Variants in AKNA observed in about 807,000 individuals in gnomAD.
AKNA encodes the protein microtubule organization protein AKNA.
In AKNA, 67 loss-of-function variants were observed where a neutral mutation model predicts 138.8. The observed-to-expected ratio is 0.48, with a 90% CI of 0.40 to 0.59. AKNA has a LOEUF of 0.59. Ranked by LOEUF, AKNA falls within the 20% of genes least tolerant of loss-of-function variation. The pLI, the probability that AKNA is intolerant of heterozygous loss-of-function variation, is 0.00. For synonymous variants in AKNA, 737 were observed against 754.4 expected (o/e 0.98, Z 0.38); for missense variants, 1,813 against 1,880.4 (o/e 0.96, Z 0.66).
chr9:114,393,231 T>G (rs1482787332), intron 1 of AKNA, among the ~76,000 whole-genome samples: 1 of 150,938 alleles, frequency 6.6e-6, no homozygotes, highest in Non-Finnish European at 1.5e-5. Context: ...TTTTTTTTTT[T>G]TGGAGATGGA....
chr9:114,347,231 T>C (rs1830747173), intron 16 of AKNA, among the ~76,000 whole-genome samples: 2 of 152,120 alleles, frequency 1.3e-5, no homozygotes, highest in Admixed American at 6.6e-5. Context: ...ATTATTATTA[T>C]TATTTTGAGA....
At chr9:114,352,312 T>G (rs1039415417) in intron 14 of AKNA, among the ~76,000 whole-genome samples, 18 of 152,180 alleles carry the variant, frequency 1.2e-4, no homozygotes, top group African/African-American at 4.3e-4. Flanking sequence ...AAAGTTTAAT[T>G]AAAGGCCGGG....
At chr9:114,392,092 T>A (rs1435626761), upstream of AKNA, among the ~76,000 whole-genome samples, 9 of 92,238 alleles carry the variant, frequency 9.8e-5, no homozygotes, top group Admixed American at 1.5e-4. Context: ...GGCAACAGAG[T>A]AAGACGCTTG....
chr9:114,371,810 C>T (rs1014121379), intron 4 of AKNA, among the ~76,000 whole-genome samples: 1 of 152,136 alleles, frequency 6.6e-6, no homozygotes, highest in African/African-American at 2.4e-5. Flanking sequence ...AGCCCTCCCC[C>T]GTGGGCTCTG....
intron 1 of AKNA, chr9:114,383,196 C>G (rs1051089341): frequency 2.2e-6 from 1 of 456,044 alleles, no homozygotes; most frequent in Non-Finnish European, 4.4e-6. Context: ...GCTGGCCACA[C>G]GGGGGACCCG....
chr9:114,368,498 G>T lies in AKNA; in HGVS notation c.1514C>A (p.Pro505His). ...TKVLSFTIPQ[P>H]RSAEWWPGPA... ...GCCCGGCCACCACTCTGCAGAGCGG[G>T]GCTGTGGGATGGTGAAGGACAAGAC... Residue 505 changes from proline to histidine, a missense_variant, in exon 5 of 22, where the codon CCC (proline) becomes CAC (histidine). By Grantham distance (77) the Pro-to-His change is moderately conservative. Transcript: ENST00000374088. 7.3e-7 allele frequency: 1 copy of T among 1,367,796 alleles called. No homozygotes were observed. Among genetic ancestry groups the T allele is most frequent in the Non-Finnish European group, 9.5e-7 (1 of 1,051,390 alleles). 84.7% of individuals were successfully genotyped at this position (1,367,796 alleles called of 1,614,324 possible). A position where few individuals can be genotyped will look rare whatever the true frequency, so the allele number is the denominator to read the frequency against.
At position 114,362,750 on chromosome 9, in the gene AKNA, A is replaced by T. The variant is rs75361683; in HGVS notation, c.1789-217T>A. ...CTGCCATCAGGCTGGCACAACAGAG[A>T]CACAACTCAGAGACTTGGCACCAGC... is the stretch of plus-strand genomic sequence containing the variant. On this transcript the variant is annotated intron_variant, in intron 7 of 21. Transcript: ENST00000374088. Among the ~76,000 whole-genome samples the T allele has an allele frequency of 7.1e-3, 1,074 of 152,312 alleles. 28 individuals carry two copies. The highest frequency in any genetic ancestry group is 0.047 in the East Asian group (244 of 5,184).
At chr9:114,343,869 T>C in intron 18 of AKNA, 66 bp from the exon 19 acceptor site, 1 of 1,372,968 alleles carries the variant, frequency 7.3e-7, no homozygotes, top group Middle Eastern at 1.8e-4. Context: ...AGGAAGATTC[T>C]GGAATAATGA....
At chr9:114,385,151 C>G (rs1402008513) in intron 1 of AKNA, among the ~76,000 whole-genome samples, 2 of 152,200 alleles carry the variant, frequency 1.3e-5, no homozygotes, top group Admixed American at 1.3e-4. Context: ...ACCCACCCAG[C>G]TGGTCAACTA....
intron 7 of AKNA, 101 bp downstream of exon 7, chr9:114,364,459 T>C (rs1266966015): frequency 4.1e-6 from 5 of 1,231,644 alleles, no homozygotes; most frequent in Admixed American, 1.7e-5. Context: ...GTGTCTGGGA[T>C]TCTCTTTTCT....
Position 114,357,969 on chromosome 9 carries a change from C to T in AKNA, c.2691G>A (p.Glu897=). ...MTSLEGSGIS[E]RLPQKPLHRG... is the part of the protein sequence containing the mutation. ...GGTGCAAAGGCTTCTGTGGAAGGCG[C>T]TCAGAGATGCCGCTTCCCTCCAGGC... The change falls in exon 12 of 22, where the codon GAG becomes GAA. Residue 897 remains glutamate, a synonymous_variant. Coordinates refer to ENST00000374088, the MANE Select transcript of AKNA (RefSeq NM_001317950.2). 6.2e-7 allele frequency: 1 copy of T among 1,603,338 alleles called. No individual in the cohort carries two copies. The highest frequency in any genetic ancestry group is 1.8e-5 in the Admixed American group (1 of 56,820).
chr9:114,348,031 C>T (rs1049349657), intron 15 of AKNA, 131 bp from the exon 16 acceptor site: 6 of 1,007,360 alleles, frequency 6.0e-6, no homozygotes, highest in African/African-American at 5.1e-5. Flanking sequence ...TGCTGTCAAA[C>T]GATTCTAGAA....
At chr9:114,380,919 G>T in intron 2 of AKNA, 141 bp downstream of exon 2, 2 of 969,346 alleles carry the variant, frequency 2.1e-6, no homozygotes, top group Admixed American at 3.7e-5. Flanking sequence ...GGAGGCAGAG[G>T]CTGTAGTGAG....
At chr9:114,355,185 T>TA (rs1417189247) in intron 14 of AKNA, among the ~76,000 whole-genome samples, 1 of 150,324 alleles carries the variant, frequency 6.7e-6, no homozygotes, top group African/African-American at 2.5e-5. Flanking sequence ...TACTTTTTTT[T>TA]TTTTTTTTGA....
At chr9:114,370,861 C>T (rs1439816624) in intron 4 of AKNA, among the ~76,000 whole-genome samples, 1 of 152,168 alleles carries the variant, frequency 6.6e-6, no homozygotes, top group Non-Finnish European at 1.5e-5. Flanking sequence ...CTCCCCCTCC[C>T]CCCATCCCCA....
Position 114,380,409 on chromosome 9 carries a change from T to C in AKNA, c.274+651A>G, listed in dbSNP as rs137888349. Among the ~76,000 whole-genome samples, 237 of 152,300 alleles carry C rather than the reference T, an allele frequency of 1.6e-3. 1 individual carries two copies. The highest frequency in any genetic ancestry group is 5.4e-3 in the African/African-American group (223 of 41,558). On this transcript the variant is annotated intron_variant, in intron 2 of 21. Coordinates refer to ENST00000374088, the MANE Select transcript of AKNA (RefSeq NM_001317950.2). The stretch of plus-strand genomic sequence containing the variant: ...GAACTACGAAAATGTTCACATCTAT[T>C]AAGTTAACCAAAAAGCAGGTTACAA...
At chr9:114,345,508 G>C (rs1830620973) in intron 18 of AKNA, 1 of 182,340 alleles carries the variant, frequency 5.5e-6, no homozygotes, top group African/African-American at 2.4e-5. Context: ...AAGGAAGCCA[G>C]GTGCAAATGG....
intron 8 of AKNA, 119 bp downstream of exon 8, chr9:114,362,287 A>G: frequency 7.2e-7 from 1 of 1,390,584 alleles, no homozygotes; most frequent in East Asian, 2.5e-5. Context: ...AATTAGGATA[A>G]GATTTCTCTC....
intron 2 of AKNA, 50 bp downstream of exon 2, chr9:114,381,010 G>A: frequency 7.8e-7 from 1 of 1,279,962 alleles, no homozygotes; most frequent in Non-Finnish European, 1.0e-6. Flanking sequence ...AAGAACGTGT[G>A]ATGTTTTGGG....
Sources: gnomAD v4.1 joint callset for allele counts (sites outside exome capture counted in the v4.1 genomes callset) on GRCh38, gnomAD v4.1.1 for gene constraint, MANE v1.5 for transcripts, NCBI Gene and HGNC (gene_info 2026-07-23, HGNC 2026-07-21) for gene names.